Variants in FGF14 observed in about 807,000 individuals in gnomAD.
FGF14 encodes the protein fibroblast growth factor 14.
Under a neutral mutation model 25.5 loss-of-function variants are expected in FGF14, and 5 were observed. That is an observed-to-expected ratio of 0.20 (90% CI 0.10 to 0.41). The LOEUF (loss-of-function observed/expected upper bound fraction) is 0.41. Among genes scored for constraint, FGF14 ranks in the 10% least tolerant of loss-of-function variants. FGF14 has a pLI of 1.00. For synonymous variants in FGF14, 138 were observed against 118.3 expected (o/e 1.17, Z -1.08); for missense variants, 222 against 320.1 (o/e 0.69, Z 2.34).
chr13:101,784,433 A>G (rs1231831994), intron 3 of FGF14, among the ~76,000 whole-genome samples: 3 of 152,086 alleles, frequency 2.0e-5, no homozygotes, highest in Non-Finnish European at 4.4e-5. Context: ...TCCACTTATG[A>G]CCCACCTTCA....
rs1463147704 is a variant in FGF14 at position 102,199,463 on chromosome 13, T to G, written c.208+202008A>C. 3.9e-5 allele frequency among the ~76,000 whole-genome samples: 6 copies of G among 152,322 alleles called. No homozygotes were observed. In the East Asian group the frequency reaches 1.2e-3, roughly 29 times the overall value. Reference sequence around the variant, plus strand: ...AACAACCCAATGAGCCAGGTACTTTTGTGACTTGATGAAGATAAACAACTT... The same window carrying G: ...AACAACCCAATGAGCCAGGTACTTTGGTGACTTGATGAAGATAAACAACTT... On this transcript the variant is annotated intron_variant, in intron 1 of 4. Transcript: ENST00000376131.
rs555008111 is a variant in FGF14, at chr13:101,816,033, G to A, written c.408+52692C>T. Among the ~76,000 whole-genome samples, 11 of 151,904 alleles carry A rather than the reference G, an allele frequency of 7.2e-5. No individual in the cohort carries two copies. In the East Asian group the frequency reaches 1.7e-3, roughly 24 times the overall value. ...ACGCCTGTATCCTAGCACTTTGGGA[G>A]GCCGAGACGGGCGGATCACGAGGTC... On this transcript the variant is annotated intron_variant, in intron 3 of 4. Transcript: ENST00000376143.
chr13:101,735,637 T>G (rs1269508613), intron 3 of FGF14, among the ~76,000 whole-genome samples: 2 of 151,640 alleles, frequency 1.3e-5, no homozygotes, highest in Non-Finnish European at 2.9e-5. Context: ...AGAAATTGGG[T>G]TGGCTTCCCT....
chr13:101,821,220 T>C (rs2042139980), intron 3 of FGF14, among the ~76,000 whole-genome samples: 1 of 152,198 alleles, frequency 6.6e-6, no homozygotes, highest in Admixed American at 6.5e-5. Context: ...AGTGCTGGGA[T>C]TACAGGCGTG....
At position 101,717,311 on chromosome 13, in the gene FGF14, G is replaced by A. The variant is rs2034762833; in HGVS notation, c.*5520C>T. On this transcript the variant is annotated 3_prime_UTR_variant, in exon 5 of 5. Coordinates refer to ENST00000376143, the MANE Select transcript of FGF14 (RefSeq NM_004115.4). ...ATAATGTAATAGATTTATAAAAATT[G>A]TTATCTCTATCCTGAGATTAAGGAG... 6.6e-6 allele frequency: 1 copy of A among 152,126 alleles called. No individual in the cohort carries two copies. Among genetic ancestry groups the A allele is most frequent in the South Asian group, 2.1e-4 (1 of 4,816 alleles). The allele number at this position is 152,126 out of a possible 1,614,324, so 9.4% of individuals were successfully genotyped here. A position where few individuals can be genotyped will look rare whatever the true frequency, so the allele number is the denominator to read the frequency against.
intron 1 of FGF14, among the ~76,000 whole-genome samples, chr13:102,279,534 T>A (rs1212760740): frequency 1.3e-5 from 2 of 152,206 alleles, no homozygotes; most frequent in Non-Finnish European, 2.9e-5. Context: ...TATTACTTTG[T>A]TCCTCATTTT....
chr13:102,385,499 T>C (rs1295241315), intron 1 of FGF14, among the ~76,000 whole-genome samples: 1 of 152,232 alleles, frequency 6.6e-6, no homozygotes. Context: ...TTACATCCTA[T>C]TCTGTAGATC....
chr13:102,254,636 T>C (rs2052352532), intron 1 of FGF14, among the ~76,000 whole-genome samples: 1 of 152,192 alleles, frequency 6.6e-6, no homozygotes, highest in African/African-American at 2.4e-5. Flanking sequence ...AGCAGAACTT[T>C]TGACATTTGG....
intron 1 of FGF14, among the ~76,000 whole-genome samples, chr13:102,139,757 T>A (rs2046561264): frequency 6.9e-6 from 1 of 145,246 alleles, no homozygotes; most frequent in South Asian, 2.4e-4. Context: ...AAGATGTTTC[T>A]ATCCCAAGAA....
chr13:101,988,807 G>GT (rs2038738064), intron 1 of FGF14, among the ~76,000 whole-genome samples: 3 of 151,978 alleles, frequency 2.0e-5, no homozygotes, highest in Admixed American at 2.0e-4. Context: ...GTATACATAT[G>GT]TAACAAACCT....
chr13:102,200,778 A>G (rs557824507), intron 1 of FGF14, among the ~76,000 whole-genome samples: 2 of 152,208 alleles, frequency 1.3e-5, no homozygotes, highest in East Asian at 3.9e-4. Flanking sequence ...TGCAATGAAA[A>G]AACACCCTGA....
chr13:101,823,521 A>T (rs1286904327), intron 3 of FGF14, among the ~76,000 whole-genome samples: 1 of 150,516 alleles, frequency 6.6e-6, no homozygotes, highest in Admixed American at 6.6e-5. Flanking sequence ...CACCACAACC[A>T]CCGCCTCCCA....
intron 1 of FGF14, among the ~76,000 whole-genome samples, chr13:102,125,297 C>T (rs1219110927): frequency 6.6e-6 from 1 of 152,130 alleles, no homozygotes; most frequent in African/African-American, 2.4e-5. Flanking sequence ...TCTTATTACA[C>T]ATGCATTTAT....
chr13:102,124,020 C>A (rs549021408), intron 1 of FGF14, among the ~76,000 whole-genome samples: 2 of 152,000 alleles, frequency 1.3e-5, no homozygotes, highest in African/African-American at 2.4e-5. Context: ...CCTTACTCTC[C>A]AACATCCAGA....
chr13:101,768,672 CA>C (rs1407526586), intron 3 of FGF14, among the ~76,000 whole-genome samples: 3 of 152,224 alleles, frequency 2.0e-5, no homozygotes, highest in African/African-American at 7.2e-5. Flanking sequence ...CACATAAATA[CA>C]GTCAACTGAC....
In FGF14 at chr13:101,916,932, G is replaced by T. The variant is rs1182321797; in HGVS notation, c.-287C>A. ...GCTTGGCCACGTCCGAGTGGAGAGC[G>T]GGACCGCGGCTGCGGGCGCTGCTGG... is the stretch of plus-strand genomic sequence containing the variant. On this transcript the variant is annotated 5_prime_UTR_variant, in exon 1 of 5. Transcript: ENST00000376143. 6.6e-6 allele frequency among the ~76,000 whole-genome samples: 1 copy of T among 151,954 alleles called. No individual in the cohort carries two copies. Among genetic ancestry groups the T allele is most frequent in the Non-Finnish European group, 1.5e-5 (1 of 67,932 alleles).
intron 3 of FGF14, among the ~76,000 whole-genome samples, chr13:101,858,828 T>C (rs2044260724): frequency 6.6e-6 from 1 of 152,134 alleles, no homozygotes; most frequent in Non-Finnish European, 1.5e-5. Flanking sequence ...CTAATTATAA[T>C]TATTAATGCT....
chr13:101,951,141 C>A (rs1200358645), intron 1 of FGF14, among the ~76,000 whole-genome samples: 1 of 152,134 alleles, frequency 6.6e-6, no homozygotes, highest in South Asian at 2.1e-4. Context: ...TATTTGACAT[C>A]ATATCATTGA....
At chr13:102,067,708 C>T (rs995814583) in intron 1 of FGF14, among the ~76,000 whole-genome samples, 2 of 148,316 alleles carry the variant, frequency 1.3e-5, no homozygotes, top group Non-Finnish European at 3.0e-5. Flanking sequence ...AGAGGAGAGA[C>T]AGAGAGAGAG....
Sources: allele counts gnomAD v4.1 joint callset (sites outside exome capture counted in the v4.1 genomes callset), GRCh38; gene constraint gnomAD v4.1.1; transcripts MANE v1.5; gene names NCBI Gene and HGNC (gene_info 2026-07-23, HGNC 2026-07-21).